The following ROBO1 variants were observed in gnomAD, a reference collection of about 807,000 sequenced individuals.
ROBO1 encodes the protein roundabout guidance receptor 1, also known as roundabout homolog 1.
In ROBO1, 149 loss-of-function variants were observed where a neutral mutation model predicts 195.9. The ratio of observed to expected loss-of-function variants is 0.76; its 90% CI spans 0.67 to 0.87. The LOEUF (loss-of-function observed/expected upper bound fraction) is 0.87. ROBO1 is among the 40% of genes least tolerant of loss of function. The pLI is 0.00. For missense variants in ROBO1, 1,933 were observed against 2,068.3 expected (o/e 0.93, Z 1.27); for synonymous variants, 816 against 733.2 (o/e 1.11, Z -1.82).
At chr3:79,331,672 A>T (rs549922860) in intron 2 of ROBO1, among the ~76,000 whole-genome samples, 13 of 152,302 alleles carry the variant, frequency 8.5e-5, no homozygotes, top group Admixed American at 2.0e-4. Context: ...AAAGTGTGTC[A>T]AATAACGGAG....
At chr3:79,591,915 C>G (rs998910694) in intron 1 of ROBO1, among the ~76,000 whole-genome samples, 1 of 151,520 alleles carries the variant, frequency 6.6e-6, no homozygotes, top group Admixed American at 6.6e-5. Flanking sequence ...GACATAGAGT[C>G]CTGTTTGGAA....
At chr3:79,066,036 A>G (rs1350874148) in intron 3 of ROBO1, among the ~76,000 whole-genome samples, 1 of 151,982 alleles carries the variant, frequency 6.6e-6, no homozygotes, top group Non-Finnish European at 1.5e-5. Flanking sequence ...CCAAATGAGT[A>G]GAAAGTGAGC....
intron 3 of ROBO1, among the ~76,000 whole-genome samples, chr3:79,008,888 CGTGTGTGTGTGT>C (rs375134341): frequency 3.1e-4 from 38 of 121,274 alleles, no homozygotes; most frequent in African/African-American, 6.4e-4. Flanking sequence ...TGCACCCAGC[CGTGTGTGTGTGT>C]GTGTGTGTGT....
At chr3:79,408,321 A>G (rs1478389925) in intron 2 of ROBO1, among the ~76,000 whole-genome samples, 3 of 151,918 alleles carry the variant, frequency 2.0e-5, no homozygotes, top group African/African-American at 7.2e-5. Flanking sequence ...CTGAAGGAAA[A>G]GTTTTCTTTA....
chr3:78,711,349 TC>T lies in ROBO1; in HGVS notation c.1045+3047del, dbSNP rs1458585551. 3.8e-4 allele frequency among the ~76,000 whole-genome samples: 13 copies of T among 34,516 alleles called. No individual in the cohort carries two copies. The East Asian group carries it at 0.022, about 59-fold the overall frequency. 22.6% of individuals were successfully genotyped at this position (34,516 alleles called of 152,430 possible). On this transcript the variant is annotated intron_variant, in intron 8 of 30. Transcript: ENST00000464233. The stretch of plus-strand genomic sequence containing the variant: ...TCTCCTTCCTTCCTTCCTTCCTTCC[TC>T]CTTCCTTCCTTCCTTCCTTCCTTCC...
At chr3:79,006,814 A>C (rs2077635135) in intron 3 of ROBO1, among the ~76,000 whole-genome samples, 1 of 151,556 alleles carries the variant, frequency 6.6e-6, no homozygotes, top group East Asian at 1.9e-4. Context: ...CTGTGACTTT[A>C]GACCAGACTT....
At chr3:78,693,189 A>C (rs1302044015) in intron 8 of ROBO1, 5 of 915,448 alleles carry the variant, frequency 5.5e-6, no homozygotes, top group Non-Finnish European at 6.4e-6. Context: ...TACTTCCTGC[A>C]GACTTTATTC....
chr3:79,588,352 T>G (rs1044064103), intron 2 of ROBO1, among the ~76,000 whole-genome samples: 3 of 151,630 alleles, frequency 2.0e-5, no homozygotes, highest in African/African-American at 7.2e-5. Flanking sequence ...CATTCCTTCT[T>G]CCACTAGACA....
Position 78,962,781 on chromosome 3 carries a change from G to A in ROBO1, c.173-23854C>T, listed in dbSNP as rs931973788. Among the ~76,000 whole-genome samples, 10 of 126,244 alleles carry A rather than the reference G, an allele frequency of 7.9e-5. No homozygotes were observed. In the East Asian group the frequency reaches 1.2e-3, roughly 16 times the overall value. The allele number at this position is 126,244 out of a possible 152,430, so 82.8% of individuals were successfully genotyped here. A position where few individuals can be genotyped will look rare whatever the true frequency, so the allele number is the denominator to read the frequency against. On this transcript the variant is annotated intron_variant, in intron 3 of 30. Transcript: ENST00000464233. Reference sequence around the variant, plus strand: ...AGCGCTTGCAGTGAGCCGAGATCGCGCCACTGCACTTCAGCCTGGGCGACA... The same window carrying A: ...AGCGCTTGCAGTGAGCCGAGATCGCACCACTGCACTTCAGCCTGGGCGACA...
rs776101469 is a variant in ROBO1, at chr3:78,668,237, T to C, written c.1696A>G (p.Lys566Glu). The C allele has an allele frequency of 6.2e-7, 1 of 1,613,940 alleles. No individual in the cohort carries two copies. Among genetic ancestry groups the C allele is most frequent in the Non-Finnish European group, 8.5e-7 (1 of 1,179,832 alleles). The stretch of plus-strand genomic sequence containing the variant: ...CTGCTGACATCTGTCACTTCAGGTT[T>C]TGATGGGGCACTAGGGATTAAATTT... ...DPNLIPSAPS[K>E]PEVTDVSRNT... The change falls in exon 13 of 31, where the codon AAA becomes GAA. Residue 566 changes from lysine (K) to glutamate (E), a missense_variant. By Grantham distance (56) the Lys-to-Glu change is moderately conservative. Around this residue, in one of 3 missense-constraint regions of ROBO1, gnomAD observed 1,737 missense variants for 1,882.5 expected, o/e 0.92. Transcript: ENST00000464233.
rs116028995 is a variant in ROBO1 at position 79,013,502 on chromosome 3, C to T, written c.173-74575G>A. On this transcript the variant is annotated intron_variant, in intron 3 of 30. Transcript: ENST00000464233. The stretch of plus-strand genomic sequence containing the variant: ...AAGAATAATGCCTTCCTTCCAAATT[C>T]TCAAGTGTTCAAACCACAGTTTCAT... Among the ~76,000 whole-genome samples the T allele has an allele frequency of 5.3e-3, 809 of 152,300 alleles. 6 individuals carry two copies. The highest frequency in any genetic ancestry group is 4.5e-3 in the African/African-American group (186 of 41,570).
At chr3:79,186,389 T>C (rs2081439323) in intron 2 of ROBO1, among the ~76,000 whole-genome samples, 1 of 151,990 alleles carries the variant, frequency 6.6e-6, no homozygotes, top group African/African-American at 2.4e-5. Flanking sequence ...GACATGTATA[T>C]ATACATGTCT....
chr3:79,349,217 A>G (rs1023986975), intron 2 of ROBO1, among the ~76,000 whole-genome samples: 4 of 152,202 alleles, frequency 2.6e-5, no homozygotes, highest in Non-Finnish European at 4.4e-5. Context: ...TTAGCCTATG[A>G]GGATCAACTT....
At chr3:78,792,360 A>C (rs756455339) in intron 4 of ROBO1, among the ~76,000 whole-genome samples, 5 of 152,172 alleles carry the variant, frequency 3.3e-5, no homozygotes, top group Non-Finnish European at 5.9e-5. Context: ...TGCAACTGTT[A>C]TGAGTTTTAA....
chr3:78,611,182 C>T (rs1703785187), intron 28 of ROBO1, among the ~76,000 whole-genome samples: 1 of 152,294 alleles, frequency 6.6e-6, no homozygotes, highest in East Asian at 1.9e-4. Flanking sequence ...TATAGAGATC[C>T]AGCACTCTAT....
chr3:79,127,928 C>A (rs1275554770), intron 2 of ROBO1, among the ~76,000 whole-genome samples: 1 of 152,110 alleles, frequency 6.6e-6, no homozygotes, highest in African/African-American at 2.4e-5. Flanking sequence ...CCTTGTTCTG[C>A]CTTTAATTAA....
intron 2 of ROBO1, among the ~76,000 whole-genome samples, chr3:79,359,456 C>T (rs2035681582): frequency 6.6e-6 from 1 of 152,002 alleles, no homozygotes; most frequent in African/African-American, 2.4e-5. Context: ...AACAAAGAGG[C>T]ACCATACTTG....
chr3:79,160,233 A>ATGT (rs1405154972), intron 2 of ROBO1, among the ~76,000 whole-genome samples: 2 of 139,636 alleles, frequency 1.4e-5, no homozygotes, highest in South Asian at 2.1e-4. Flanking sequence ...CCTTTAAAAA[A>ATGT]ATGTGTGTGT....
intron 2 of ROBO1, among the ~76,000 whole-genome samples, chr3:79,499,668 T>C (rs985782200): frequency 1.3e-5 from 2 of 152,182 alleles, no homozygotes; most frequent in African/African-American, 4.8e-5. Context: ...AAAATAAATA[T>C]TGTGTTATGG....
Sources: allele counts gnomAD v4.1 joint callset (sites outside exome capture counted in the v4.1 genomes callset), GRCh38; gene constraint gnomAD v4.1.1; regional missense constraint gnomAD v4.1.1; transcripts MANE v1.5; gene names NCBI Gene and HGNC (gene_info 2026-07-23, HGNC 2026-07-21).